The following PTPRD variants were observed in gnomAD, a reference collection of about 807,000 sequenced individuals.
PTPRD encodes the protein receptor-type tyrosine-protein phosphatase delta.
In PTPRD, 34 loss-of-function variants were observed where a neutral mutation model predicts 214.5. That is an observed-to-expected ratio of 0.16 (90% CI 0.12 to 0.21). The LOEUF is 0.21. Among genes scored for constraint, PTPRD ranks in the 10% least tolerant of loss-of-function variants. The probability of loss-of-function intolerance (pLI) is 1.00; values close to 1 mark genes in which losing one functional copy is unlikely to be tolerated. For synonymous variants in PTPRD, 1,128 were observed against 845.7 expected, an observed-to-expected ratio of 1.33 and a Z score of -5.79; for missense variants, 2,545 against 2,398.7, an observed-to-expected ratio of 1.06 and a Z score of -1.27.
intron 3 of PTPRD, among the ~76,000 whole-genome samples, chr9:10,090,343 G>C (rs1342782021): frequency 6.6e-6 from 1 of 151,486 alleles, no homozygotes; most frequent in Admixed American, 6.6e-5. Flanking sequence ...TAGTCATTCA[G>C]TAGAATTTGA....
intron 21 of PTPRD, among the ~76,000 whole-genome samples, chr9:8,514,586 T>C (rs965303424): frequency 6.6e-6 from 1 of 151,668 alleles, no homozygotes; most frequent in African/African-American, 2.4e-5. Context: ...AATAATCTAA[T>C]AGCTACCTCA....
At chr9:9,582,843 T>G (rs1291223708) in intron 7 of PTPRD, among the ~76,000 whole-genome samples, 2 of 152,028 alleles carry the variant, frequency 1.3e-5, no homozygotes, top group Non-Finnish European at 2.9e-5. Flanking sequence ...AACTATAATC[T>G]TTGTCTTCCA....
intron 10 of PTPRD, among the ~76,000 whole-genome samples, chr9:9,171,610 T>C (rs1037490043): frequency 1.3e-5 from 2 of 151,896 alleles, no homozygotes; most frequent in East Asian, 1.9e-4. Context: ...GTCAAATATG[T>C]TGATAGGAAT....
intron 11 of PTPRD, among the ~76,000 whole-genome samples, chr9:8,769,129 A>G (rs1246414846): frequency 6.6e-6 from 1 of 152,218 alleles, no homozygotes; most frequent in Non-Finnish European, 1.5e-5. Flanking sequence ...AAATATTTTT[A>G]TATATTTAAA....
intron 9 of PTPRD, among the ~76,000 whole-genome samples, chr9:9,314,830 T>C (rs984310378): frequency 6.6e-6 from 1 of 152,050 alleles, no homozygotes; most frequent in Non-Finnish European, 1.5e-5. Context: ...TTTTTATATA[T>C]GTTTGAAATA....
intron 11 of PTPRD, among the ~76,000 whole-genome samples, chr9:8,750,834 G>A (rs912863893): frequency 1.3e-5 from 2 of 152,112 alleles, no homozygotes; most frequent in Non-Finnish European, 2.9e-5. Flanking sequence ...AAATGCAGTG[G>A]AAGACACTGG....
At chr9:8,904,942 T>C (rs541238238) in intron 11 of PTPRD, among the ~76,000 whole-genome samples, 148 of 152,294 alleles carry the variant, frequency 9.7e-4, no homozygotes, top group African/African-American at 3.5e-3. Context: ...TTGGTTTGCA[T>C]ACACATTAAA....
At chr9:10,481,784 G>A (rs1335834928) in intron 2 of PTPRD, among the ~76,000 whole-genome samples, 1 of 152,132 alleles carries the variant, frequency 6.6e-6, no homozygotes, top group Non-Finnish European at 1.5e-5. Flanking sequence ...AAACCGAAGA[G>A]CAGTAGCAGT....
chr9:10,175,693 T>C (rs1408140783), intron 3 of PTPRD, among the ~76,000 whole-genome samples: 2 of 152,052 alleles, frequency 1.3e-5, no homozygotes, highest in East Asian at 1.9e-4. Flanking sequence ...CCATTTGATT[T>C]AATTTCTAAT....
At chr9:9,892,663 G>A (rs1002042765) in intron 5 of PTPRD, among the ~76,000 whole-genome samples, 4 of 151,832 alleles carry the variant, frequency 2.6e-5, no homozygotes, top group Admixed American at 1.3e-4. Flanking sequence ...AAAATCTGCT[G>A]GTCAAAGACA....
At chr9:9,903,652 T>C (rs10739203) in intron 5 of PTPRD, among the ~76,000 whole-genome samples, 2 of 151,962 alleles carry the variant, frequency 1.3e-5, no homozygotes, top group Admixed American at 1.3e-4. Flanking sequence ...ATTAAACAAA[T>C]CAATATGATT....
intron 8 of PTPRD, among the ~76,000 whole-genome samples, chr9:9,436,591 G>A (rs575138156): frequency 5.9e-4 from 89 of 150,706 alleles, no homozygotes; most frequent in African/African-American, 2.1e-3. Flanking sequence ...TATACTTAAT[G>A]AAAGTCTGTT....
chr9:9,326,428 C>T (rs1244932926), intron 9 of PTPRD, among the ~76,000 whole-genome samples: 1 of 151,952 alleles, frequency 6.6e-6, no homozygotes, highest in Non-Finnish European at 1.5e-5. Context: ...TATAACTCTA[C>T]CTTTATGCTC....
intron 5 of PTPRD, among the ~76,000 whole-genome samples, chr9:9,804,347 C>A (rs752715691): frequency 2.6e-5 from 4 of 152,090 alleles, no homozygotes; most frequent in Non-Finnish European, 5.9e-5. Context: ...ATGGATCCAG[C>A]CACTGAATCA....
At chr9:8,359,704 C>A (rs10976993) in intron 39 of PTPRD, among the ~76,000 whole-genome samples, 3 of 151,894 alleles carry the variant, frequency 2.0e-5, no homozygotes, top group Admixed American at 1.3e-4. Flanking sequence ...ACCCATCAAG[C>A]CATTCTCTTG....
intron 11 of PTPRD, among the ~76,000 whole-genome samples, chr9:8,813,497 G>C (rs10815954): frequency 3.3e-5 from 5 of 151,982 alleles, no homozygotes; most frequent in African/African-American, 1.2e-4. Context: ...CAGCCTCCTC[G>C]GTACTTGTGA....
rs142494939 is a variant in PTPRD, at chr9:9,203,693, G to A, written c.-202-20330C>T. Among the ~76,000 whole-genome samples, 105 of 152,200 alleles carry A rather than the reference G, an allele frequency of 6.9e-4. 1 individual carries two copies. Among genetic ancestry groups the A allele is most frequent in the African/African-American group, 2.5e-3 (102 of 41,536 alleles). On this transcript the variant is annotated intron_variant, in intron 9 of 45. Coordinates refer to ENST00000381196, the MANE Select transcript of PTPRD (RefSeq NM_002839.4). ...CATATTTCCCAAAAAGTTCAAATTG[G>A]ATTAGAGGCAATTTTGATTTTCTTC...
rs192364931 is a variant in PTPRD at position 9,372,977 on chromosome 9, A to T, written c.-203+24472T>A. Among the ~76,000 whole-genome samples the T allele has an allele frequency of 1.3e-5, 2 of 152,214 alleles. 1 individual carries two copies. The highest frequency in any genetic ancestry group is 3.9e-4 in the East Asian group (2 of 5,162). ...TTAATATTACCCCACAAAAAATACC[A>T]GTTTAGAGTCTCACAAAATATGAAG... On this transcript the variant is annotated intron_variant, in intron 9 of 45. Coordinates refer to ENST00000381196, the MANE Select transcript of PTPRD (RefSeq NM_002839.4).
chr9:9,038,979 A>G (rs2099631013), intron 10 of PTPRD, among the ~76,000 whole-genome samples: 1 of 152,120 alleles, frequency 6.6e-6, no homozygotes, highest in Admixed American at 6.6e-5. Context: ...TATTACTTGT[A>G]AATAGCATAG....
Sources: allele counts gnomAD v4.1 joint callset (sites outside exome capture counted in the v4.1 genomes callset), GRCh38; gene constraint gnomAD v4.1.1; transcripts MANE v1.5; gene names NCBI Gene and HGNC (gene_info 2026-07-23, HGNC 2026-07-21).